The following TG variants were observed in gnomAD, a reference collection of about 807,000 sequenced individuals.
TG encodes the protein thyroid hormones.
TG carries 270 observed loss-of-function variants against 324.7 expected under a neutral mutation model. That is an observed-to-expected ratio of 0.83 (90% CI 0.75 to 0.92). TG has a LOEUF of 0.92. TG is among the 40% of genes least tolerant of loss of function. The probability of loss-of-function intolerance (pLI) is 0.00; values close to 1 mark genes in which losing one functional copy is unlikely to be tolerated. For synonymous variants in TG, 1,401 were observed against 1,327.0 expected, an observed-to-expected ratio of 1.06 and a Z score of -1.21; for missense variants, 3,591 against 3,456.4, an observed-to-expected ratio of 1.04 and a Z score of -0.98.
chr8:132,955,490 G>T (rs1826725953), intron 27 of TG, among the ~76,000 whole-genome samples: 2 of 152,206 alleles, frequency 1.3e-5, no homozygotes, highest in Admixed American at 6.5e-5. Context: ...CGGCTCTAGG[G>T]CTATTGGGCT....
At chr8:133,099,242 C>A (rs1848888165) in intron 43 of TG, among the ~76,000 whole-genome samples, 1 of 152,214 alleles carries the variant, frequency 6.6e-6, no homozygotes, top group Non-Finnish European at 1.5e-5. Context: ...GGGCAGTGTT[C>A]CCCCAGCACA....
intron 2 of TG, among the ~76,000 whole-genome samples, chr8:132,868,533 G>T (rs933976702): frequency 6.6e-6 from 1 of 152,208 alleles, no homozygotes; most frequent in Non-Finnish European, 1.5e-5. Context: ...CGGCACGTGT[G>T]GGGAGTGGGG....
At chr8:132,946,890 G>A (rs924240991) in intron 26 of TG, among the ~76,000 whole-genome samples, 6 of 152,172 alleles carry the variant, frequency 3.9e-5, no homozygotes, top group Non-Finnish European at 5.9e-5. Flanking sequence ...TAGTTAAAGA[G>A]GAAAGCTGCA....
chr8:132,914,174 C>T (rs1465068108), intron 20 of TG, among the ~76,000 whole-genome samples: 2 of 152,202 alleles, frequency 1.3e-5, no homozygotes, highest in South Asian at 2.1e-4. Context: ...CAGGTAATTT[C>T]CCTTTGCCAT....
At chr8:133,064,088 C>G (rs1842757369) in intron 41 of TG, 1 of 152,196 alleles carries the variant, frequency 6.6e-6, no homozygotes, top group Non-Finnish European at 1.5e-5. Context: ...GTTTCTGGGT[C>G]ATAGAATCGT....
chr8:132,966,458 CT>C, intron 29 of TG, 101 bp from the exon 30 acceptor site: 2 of 598,184 alleles, frequency 3.3e-6, no homozygotes, highest in Non-Finnish European at 4.4e-6. Context: ...CTCTCTCTGT[CT>C]CTCTCTCTGT....
At chr8:132,929,309 T>C in intron 23 of TG, 117 bp downstream of exon 23, 1 of 781,252 alleles carries the variant, frequency 1.3e-6, no homozygotes. Context: ...ACATACTTTA[T>C]CAAAAACACT....
chr8:132,898,100 G>A (rs1302572342), intron 12 of TG, 69 bp from the exon 13 acceptor site: 8 of 1,449,398 alleles, frequency 5.5e-6, no homozygotes, highest in Non-Finnish European at 7.6e-6. Flanking sequence ...AAGGAAAGTT[G>A]TTTATGGGAC....
At chr8:132,928,964 T>C in intron 22 of TG, 112 bp from the exon 23 acceptor site, 1 of 853,586 alleles carries the variant, frequency 1.2e-6, no homozygotes, top group Non-Finnish European at 2.0e-6. Flanking sequence ...ACATTTGTGT[T>C]ACCAAGAGCT....
intron 19 of TG, 31 bp from the exon 20 acceptor site, chr8:132,913,016 G>T: frequency 6.2e-7 from 1 of 1,607,786 alleles, no homozygotes; most frequent in Non-Finnish European, 8.5e-7. Context: ...GTACAGTGGG[G>T]GTGACCTCTA....
chr8:133,052,665 A>T (rs1367078531), intron 41 of TG, among the ~76,000 whole-genome samples: 1 of 152,254 alleles, frequency 6.6e-6, no homozygotes. Context: ...AAGTTCTCAC[A>T]AAGGGCAGGT....
intron 41 of TG, among the ~76,000 whole-genome samples, chr8:133,070,423 G>A (rs1843824523): frequency 6.6e-6 from 1 of 152,238 alleles, no homozygotes; most frequent in Admixed American, 6.5e-5. Flanking sequence ...CCACTATGCG[G>A]AGGGCCTAAA....
intron 35 of TG, chr8:132,994,962 G>A: frequency 1.0e-6 from 1 of 980,720 alleles, no homozygotes. Context: ...TGGCTTAAAT[G>A]TCTTTTAAAT....
intron 41 of TG, among the ~76,000 whole-genome samples, chr8:133,045,281 T>C (rs1436771871): frequency 6.6e-6 from 1 of 152,166 alleles, no homozygotes; most frequent in Non-Finnish European, 1.5e-5. Flanking sequence ...TCTGTTTAGA[T>C]GTTGCTTCCC....
chr8:132,984,252 A>G (rs535893222), intron 35 of TG, among the ~76,000 whole-genome samples: 21 of 152,364 alleles, frequency 1.4e-4, no homozygotes, highest in Non-Finnish European at 2.5e-4. Flanking sequence ...GAGACAGAAT[A>G]TAGCTCATGT....
At chr8:132,940,359 C>G (rs187338863) in intron 25 of TG, among the ~76,000 whole-genome samples, 15 of 152,238 alleles carry the variant, frequency 9.9e-5, no homozygotes, top group Admixed American at 8.5e-4. Flanking sequence ...GGCTATAGTG[C>G]TCTATATATC....
chr8:133,117,442 G>A (rs949442615), intron 45 of TG, among the ~76,000 whole-genome samples: 1 of 152,196 alleles, frequency 6.6e-6, no homozygotes, highest in Admixed American at 6.5e-5. Flanking sequence ...TTGGATGACC[G>A]GCGCTTTGAA....
In TG at chr8:133,009,719, G is replaced by A. The variant is rs184917523; in HGVS notation, c.6263-2182G>A. On this transcript the variant is annotated intron_variant, in intron 35 of 47. Coordinates refer to ENST00000220616, the MANE Select transcript of TG (RefSeq NM_003235.5). ...TTCTAAAAGAGGCAACAGAGGGCTC[G>A]CTTGGTCTTTCTGCTCTCTGCCATG... Among the ~76,000 whole-genome samples the A allele has an allele frequency of 1.9e-3, 289 of 151,650 alleles. 2 individuals are homozygous for A. Among genetic ancestry groups the A allele is most frequent in the Non-Finnish European group, 3.2e-3 (217 of 67,882 alleles).
At chr8:132,978,330 G>A (rs985558076) in intron 34 of TG, among the ~76,000 whole-genome samples, 1 of 152,148 alleles carries the variant, frequency 6.6e-6, no homozygotes, top group African/African-American at 2.4e-5. Flanking sequence ...ACAGTACCAA[G>A]CCATTCATGA....
Sources: gnomAD v4.1 joint callset for allele counts (sites outside exome capture counted in the v4.1 genomes callset) on GRCh38, gnomAD v4.1.1 for gene constraint, MANE v1.5 for transcripts, NCBI Gene and HGNC (gene_info 2026-07-23, HGNC 2026-07-21) for gene names.